The following KIAA1328 variants were observed in gnomAD, a reference collection of about 807,000 sequenced individuals.
KIAA1328 encodes protein hinderin.
Under a neutral mutation model 68.1 loss-of-function variants are expected in KIAA1328, and 52 were observed. That is an observed-to-expected ratio of 0.76 (90% CI 0.61 to 0.96). The LOEUF (loss-of-function observed/expected upper bound fraction) is 0.96, where lower values mean the gene tolerates loss of function less well. Ranked by LOEUF, KIAA1328 falls within the 40% of genes least tolerant of loss-of-function variation. The probability of loss-of-function intolerance (pLI) is 0.00; values close to 1 mark genes in which losing one functional copy is unlikely to be tolerated. For missense variants in KIAA1328, 641 were observed against 677.6 expected (o/e 0.95, Z 0.60); for synonymous variants, 232 against 239.4 (o/e 0.97, Z 0.28).
intron 6 of KIAA1328, among the ~76,000 whole-genome samples, chr18:37,050,261 A>G (rs1253569045): frequency 6.6e-6 from 1 of 152,164 alleles, no homozygotes; most frequent in African/African-American, 2.4e-5. Flanking sequence ...AAAGGTCTAT[A>G]CATCTTATAG....
chr18:37,106,797 ATTG>A (rs767754690), intron 7 of KIAA1328, among the ~76,000 whole-genome samples: 232 of 152,278 alleles, frequency 1.5e-3, no homozygotes, highest in Non-Finnish European at 2.1e-3. Flanking sequence ...TGTGTTTCGT[ATTG>A]TTCAAAATCC....
At chr18:37,141,347 C>T (rs1436285112) in intron 7 of KIAA1328, among the ~76,000 whole-genome samples, 1 of 152,130 alleles carries the variant, frequency 6.6e-6, no homozygotes, top group Non-Finnish European at 1.5e-5. Context: ...TAGAATCATA[C>T]AATATGCGTA....
intron 5 of KIAA1328, among the ~76,000 whole-genome samples, chr18:36,939,008 C>T (rs1382663050): frequency 2.0e-5 from 3 of 152,012 alleles, no homozygotes; most frequent in African/African-American, 2.4e-5. Context: ...GTAATAGATT[C>T]GAAGTCATAC....
chr18:37,038,493 G>T (rs2055118321), intron 6 of KIAA1328, among the ~76,000 whole-genome samples: 1 of 151,842 alleles, frequency 6.6e-6, no homozygotes, highest in African/African-American at 2.4e-5. Flanking sequence ...AAATATAGTG[G>T]ATGTTTGTGT....
chr18:37,104,811 T>C (rs1031636745), intron 7 of KIAA1328, among the ~76,000 whole-genome samples: 1 of 152,124 alleles, frequency 6.6e-6, no homozygotes, highest in African/African-American at 2.4e-5. Context: ...CTCAATAAAT[T>C]GGCAAAATTG....
At chr18:37,030,422 T>C (rs909199217) in intron 6 of KIAA1328, among the ~76,000 whole-genome samples, 1 of 152,182 alleles carries the variant, frequency 6.6e-6, no homozygotes. Context: ...CAGTTTATAG[T>C]CATAAGATTC....
At chr18:36,891,469 C>G (rs906125428) in intron 5 of KIAA1328, among the ~76,000 whole-genome samples, 3 of 152,142 alleles carry the variant, frequency 2.0e-5, no homozygotes, top group Admixed American at 1.3e-4. Flanking sequence ...ACTCTTCCCC[C>G]CTCTGCTGAG....
intron 5 of KIAA1328, among the ~76,000 whole-genome samples, chr18:36,887,741 G>T (rs2048548453): frequency 6.6e-6 from 1 of 152,164 alleles, no homozygotes; most frequent in East Asian, 1.9e-4. Flanking sequence ...AAGAAGACTG[G>T]AAATGAATTC....
intron 5 of KIAA1328, among the ~76,000 whole-genome samples, chr18:36,889,337 G>C (rs1024181325): frequency 7.2e-5 from 11 of 152,170 alleles, no homozygotes; most frequent in Non-Finnish European, 1.3e-4. Context: ...AAACATGTTG[G>C]CATGTAATAG....
At position 37,119,876 on chromosome 18, in the gene KIAA1328, A is replaced by G. The variant is rs149381281; in HGVS notation, c.1233-40324A>G. On this transcript the variant is annotated intron_variant, in intron 7 of 9. Coordinates refer to ENST00000280020, the MANE Select transcript of KIAA1328 (RefSeq NM_020776.3). ...TGCAGTGAGTTCGCCTAGCACCCAGATACCAGTTTCTAAATACCATTCTCC... is the reference window on the plus strand; with the variant it reads ...TGCAGTGAGTTCGCCTAGCACCCAGGTACCAGTTTCTAAATACCATTCTCC... Among the ~76,000 whole-genome samples, 1,217 of 152,292 alleles carry G rather than the reference A, an allele frequency of 8.0e-3. 15 individuals are homozygous for G. Among genetic ancestry groups the G allele is most frequent in the Non-Finnish European group, 0.014 (925 of 68,030 alleles).
rs569361385 is a variant in KIAA1328, at chr18:36,892,536, G to A, written c.448+6864G>A. On this transcript the variant is annotated intron_variant, in intron 5 of 9. Transcript: ENST00000280020. ...TTACAAATTGAATTATTTAGTGAAA[G>A]AATATATTATGTACTTGGATAGGGC... 9.2e-5 allele frequency among the ~76,000 whole-genome samples: 14 copies of A among 152,144 alleles called. 1 individual carries two copies. In the South Asian group the frequency reaches 2.9e-3, roughly 32 times the overall value.
chr18:37,088,473 T>A (rs766253639), intron 7 of KIAA1328, among the ~76,000 whole-genome samples: 38 of 152,142 alleles, frequency 2.5e-4, no homozygotes, highest in Non-Finnish European at 4.6e-4. Context: ...TGTTTATTAA[T>A]GCTTTGTGTT....
chr18:37,137,134 C>G (rs557425045), intron 7 of KIAA1328, among the ~76,000 whole-genome samples: 10 of 152,116 alleles, frequency 6.6e-5, no homozygotes, highest in Non-Finnish European at 1.2e-4. Flanking sequence ...TGCTCTAATC[C>G]CTAATTATAT....
chr18:36,953,021 C>T (rs940364235), intron 5 of KIAA1328, among the ~76,000 whole-genome samples: 1 of 151,554 alleles, frequency 6.6e-6, no homozygotes, highest in Non-Finnish European at 1.5e-5. Flanking sequence ...AAAAGTTTTC[C>T]TGCAATGTTT....
At chr18:36,882,950 T>C (rs1461482110) in intron 4 of KIAA1328, among the ~76,000 whole-genome samples, 1 of 152,196 alleles carries the variant, frequency 6.6e-6, no homozygotes, top group African/African-American at 2.4e-5. Flanking sequence ...ATGAATGGGA[T>C]TGAAACTACA....
At chr18:37,194,518 A>G (rs1465251620) in intron 9 of KIAA1328, among the ~76,000 whole-genome samples, 1 of 152,132 alleles carries the variant, frequency 6.6e-6, no homozygotes, top group East Asian at 1.9e-4. Flanking sequence ...GTCTTTTAAC[A>G]TAGGTTGTGT....
intron 8 of KIAA1328, among the ~76,000 whole-genome samples, chr18:37,171,601 C>G (rs1171652452): frequency 1.3e-5 from 2 of 152,176 alleles, no homozygotes; most frequent in African/African-American, 2.4e-5. Flanking sequence ...TGAGCTTAAT[C>G]CTGGCACTGG....
chr18:37,096,360 G>A (rs1286163659), intron 7 of KIAA1328, among the ~76,000 whole-genome samples: 2 of 152,122 alleles, frequency 1.3e-5, no homozygotes, highest in Admixed American at 6.5e-5. Context: ...AGTTTGCTGA[G>A]AATGATGGTT....
At chr18:37,220,982 A>T (rs1015573174) in intron 9 of KIAA1328, among the ~76,000 whole-genome samples, 3 of 152,122 alleles carry the variant, frequency 2.0e-5, no homozygotes, top group Non-Finnish European at 4.4e-5. Flanking sequence ...ACATGCCACC[A>T]TGCCCGCCTA....
Sources: allele counts gnomAD v4.1 joint callset (sites outside exome capture counted in the v4.1 genomes callset), GRCh38; gene constraint gnomAD v4.1.1; transcripts MANE v1.5; gene names NCBI Gene and HGNC (gene_info 2026-07-23, HGNC 2026-07-21).